PC: variants seen among roughly 807,000 people sequenced by gnomAD.
PC encodes pyruvate carboxylase, mitochondrial.
Under a neutral mutation model 107.8 loss-of-function variants are expected in PC, and 46 were observed. That is an observed-to-expected ratio of 0.43 (90% CI 0.34 to 0.55). The LOEUF (loss-of-function observed/expected upper bound fraction) is 0.55. Among genes scored for constraint, PC ranks in the 20% least tolerant of loss-of-function variants. The probability of loss-of-function intolerance (pLI) is 0.04; values close to 1 mark genes in which losing one functional copy is unlikely to be tolerated. For synonymous variants in PC, 662 were observed against 684.7 expected, an observed-to-expected ratio of 0.97 and a Z score of 0.52; for missense variants, 1,241 against 1,643.1, an observed-to-expected ratio of 0.76 and a Z score of 4.23.
chr11:66,937,998 G>A (rs746347975), intron 3 of PC, among the ~76,000 whole-genome samples: 9 of 151,872 alleles, frequency 5.9e-5, no homozygotes, highest in Non-Finnish European at 7.4e-5. Context: ...GGATGGTCTC[G>A]ATCTCTCGAC....
chr11:66,868,839 C>T lies in PC; in HGVS notation c.1022+7G>A. On this transcript the variant is annotated splice_region_variant and intron_variant, in intron 10 of 22. Transcript: ENST00000393960. ...GCCTCCCGCCCCGCCTGCCCGCCCA[C>T]ACTCACTCGGTGATCTCCTCTGTGA... 1.2e-6 allele frequency: 2 copies of T among 1,607,352 alleles called. No individual in the cohort carries two copies. Among genetic ancestry groups the T allele is most frequent in the Non-Finnish European group, 1.7e-6 (2 of 1,174,302 alleles).
At position 66,857,612 on chromosome 11, in the gene PC, G is replaced by C; in HGVS notation, c.1369-4229C>G. ...TTCCCTCATCTCTGGCGGCCCTCTT[G>C]GGCCTCTGACCCAGCCCCTCCCCGG... is the stretch of plus-strand genomic sequence containing the variant. On this transcript the variant is annotated intron_variant, in intron 12 of 22. Coordinates refer to ENST00000393960, the MANE Select transcript of PC (RefSeq NM_001040716.2). This position sits in a 1 kb window ranked among gnomAD's most constrained non-coding sequence, Gnocchi z 7.1. The C allele has an allele frequency of 1.0e-6, 1 of 994,516 alleles. No individual in the cohort carries two copies. The highest frequency in any genetic ancestry group is 2.7e-5 in the East Asian group (1 of 37,700). The allele number at this position is 994,516 out of a possible 1,614,324, so 61.6% of individuals were successfully genotyped here.
intron 3 of PC, among the ~76,000 whole-genome samples, chr11:66,948,481 T>C (rs1398121125): frequency 6.6e-6 from 1 of 152,192 alleles, no homozygotes; most frequent in Admixed American, 6.5e-5. Context: ...GGTACACATA[T>C]GTTAAAACTT....
At chr11:66,950,924 G>C (rs1169191549) in intron 3 of PC, among the ~76,000 whole-genome samples, 2 of 152,022 alleles carry the variant, frequency 1.3e-5, no homozygotes, top group South Asian at 4.2e-4. Context: ...AAGAATAAGA[G>C]GACAGAGCAA....
intron 3 of PC, among the ~76,000 whole-genome samples, chr11:66,879,911 T>C (rs1947125069): frequency 6.6e-6 from 1 of 152,122 alleles, no homozygotes; most frequent in Non-Finnish European, 1.5e-5. Flanking sequence ...TGTCAGGAGC[T>C]GCTGTGAATG....
At chr11:66,864,806 G>A (rs909754615) in intron 11 of PC, among the ~76,000 whole-genome samples, 4 of 152,224 alleles carry the variant, frequency 2.6e-5, no homozygotes, top group Non-Finnish European at 1.5e-5. Flanking sequence ...CCGCCCGAGT[G>A]AGCCCCGCAG....
At chr11:66,855,037 G>C (rs1945720142) in intron 12 of PC, among the ~76,000 whole-genome samples, 1 of 152,266 alleles carries the variant, frequency 6.6e-6, no homozygotes, top group African/African-American at 2.4e-5. Context: ...CTTTCCAGCA[G>C]GCCGCTGAGG....
intron 3 of PC, among the ~76,000 whole-genome samples, chr11:66,900,332 G>C (rs1007513446): frequency 1.3e-5 from 2 of 151,750 alleles, no homozygotes; most frequent in East Asian, 1.9e-4. Flanking sequence ...CCACCACCAC[G>C]CCCGACTAAT....
chr11:66,919,971 A>G (rs1948554730), intron 3 of PC: 1 of 152,240 alleles, frequency 6.6e-6, no homozygotes, highest in African/African-American at 2.4e-5. Flanking sequence ...TGGCTTGATA[A>G]TAGCAGTTAC....
chr11:66,906,620 C>T (rs1395055566), intron 3 of PC, among the ~76,000 whole-genome samples: 2 of 151,968 alleles, frequency 1.3e-5, no homozygotes, highest in Admixed American at 1.3e-4. Flanking sequence ...ACCTCCATCC[C>T]CCCAGTCTTT....
intron 3 of PC, among the ~76,000 whole-genome samples, chr11:66,895,238 C>G (rs1265273899): frequency 1.3e-5 from 2 of 152,054 alleles, no homozygotes; most frequent in Admixed American, 6.6e-5. Context: ...CATGCTACCC[C>G]CTTCCCCAAC....
intron 12 of PC, chr11:66,860,783 C>A: frequency 1.4e-6 from 1 of 691,384 alleles, no homozygotes; most frequent in Non-Finnish European, 2.6e-6. Context: ...CTGGGGAGCA[C>A]GTGTGAGCGC....
chr11:66,928,932 G>C (rs892266556), intron 3 of PC, among the ~76,000 whole-genome samples: 3 of 152,180 alleles, frequency 2.0e-5, no homozygotes. Flanking sequence ...CAGGGACAAG[G>C]AGGGTCAGGG....
rs568810637 is a variant in PC, at chr11:66,915,089, A to G, written c.-1+37341T>C. Among the ~76,000 whole-genome samples, 5 of 143,418 alleles carry G rather than the reference A, an allele frequency of 3.5e-5. No homozygotes were observed. In the East Asian group the frequency reaches 7.1e-4, roughly 20 times the overall value. The allele number at this position is 143,418 out of a possible 152,430, so 94.1% of individuals were successfully genotyped here. On this transcript the variant is annotated intron_variant, in intron 3 of 22. Transcript: ENST00000393960. ...GTCAGCAGGGTCCTAGGGTGCGCCA[A>G]TGGGGAGGGCTCACAAGGCAAACAG...
intron 3 of PC, among the ~76,000 whole-genome samples, chr11:66,883,610 G>A (rs1046346842): frequency 3.9e-5 from 6 of 152,146 alleles, no homozygotes; most frequent in African/African-American, 1.4e-4. Context: ...TTGTTGACCC[G>A]TCTTGTCTCC....
chr11:66,854,785 C>G (rs1175236599), intron 12 of PC, among the ~76,000 whole-genome samples: 2 of 152,354 alleles, frequency 1.3e-5, no homozygotes, highest in East Asian at 3.9e-4. Context: ...GTGCCTCCCC[C>G]ACCAGCCTGT....
intron 3 of PC, among the ~76,000 whole-genome samples, chr11:66,902,782 C>T (rs1454558955): frequency 6.6e-6 from 1 of 152,208 alleles, no homozygotes; most frequent in Non-Finnish European, 1.5e-5. Flanking sequence ...ACAGCCCTTC[C>T]CCCAGGCTAA....
chr11:66,895,103 GA>G (rs1235543166), intron 3 of PC, among the ~76,000 whole-genome samples: 3 of 152,150 alleles, frequency 2.0e-5, no homozygotes, highest in African/African-American at 7.2e-5. Context: ...TCCAGCCCTG[GA>G]AGAACAGAGG....
chr11:66,930,668 G>C (rs1181442412), intron 3 of PC, among the ~76,000 whole-genome samples: 1 of 151,452 alleles, frequency 6.6e-6, no homozygotes, highest in Non-Finnish European at 1.5e-5. Flanking sequence ...TTTGAACTCG[G>C]GAGTCAGAGG....
Sources: allele counts gnomAD v4.1 joint callset (sites outside exome capture counted in the v4.1 genomes callset), GRCh38; gene constraint gnomAD v4.1.1; non-coding constraint Gnocchi (gnomAD v3.1); transcripts MANE v1.5; gene names NCBI Gene and HGNC (gene_info 2026-07-23, HGNC 2026-07-21).